The following FBN2 variants were observed in gnomAD, a reference collection of about 807,000 sequenced individuals.
FBN2 encodes the protein fibrillin-2.
Under a neutral mutation model 355.6 loss-of-function variants are expected in FBN2, and 105 were observed. The observed-to-expected ratio is 0.30, with a 90% CI of 0.25 to 0.35. The LOEUF (loss-of-function observed/expected upper bound fraction) is 0.35. Ranked by LOEUF, FBN2 falls within the 10% of genes least tolerant of loss-of-function variation. The probability of loss-of-function intolerance (pLI) is 1.00; values close to 1 mark genes in which losing one functional copy is unlikely to be tolerated. For missense variants in FBN2, 3,280 were observed against 3,758.7 expected, an observed-to-expected ratio of 0.87 and a Z score of 3.33; for synonymous variants, 1,350 against 1,301.2, an observed-to-expected ratio of 1.04 and a Z score of -0.81.
chr5:128,429,864 A>C (rs747307480), intron 7 of FBN2, among the ~76,000 whole-genome samples: 4 of 152,174 alleles, frequency 2.6e-5, no homozygotes, highest in African/African-American at 7.2e-5. Context: ...CCTACAATTA[A>C]ATTTTTACAG....
At chr5:128,449,457 A>T (rs561980587) in intron 6 of FBN2, among the ~76,000 whole-genome samples, 1 of 130,472 alleles carries the variant, frequency 7.7e-6, no homozygotes, top group African/African-American at 3.2e-5. Context: ...AGTATACTAT[A>T]TAATAGTATA....
chr5:128,423,311 G>A (rs897262385), intron 7 of FBN2, among the ~76,000 whole-genome samples: 4 of 152,140 alleles, frequency 2.6e-5, no homozygotes, highest in Non-Finnish European at 5.9e-5. Flanking sequence ...AAGAAAAGAG[G>A]TTTAGTGAAC....
chr5:128,516,965 A>C (rs963041357), intron 5 of FBN2, among the ~76,000 whole-genome samples: 91 of 152,326 alleles, frequency 6.0e-4, no homozygotes, highest in African/African-American at 2.1e-3. Context: ...AAAGAAATGA[A>C]GCTTTAGAAC....
intron 56 of FBN2, 105 bp from the exon 57 acceptor site, chr5:128,278,946 T>A: frequency 1.1e-6 from 1 of 872,518 alleles, no homozygotes; most frequent in Non-Finnish European, 1.8e-6. Flanking sequence ...TAGGAATAAT[T>A]AAGACAGCTT....
At chr5:128,478,083 A>G (rs1248161012) in intron 5 of FBN2, among the ~76,000 whole-genome samples, 1 of 152,190 alleles carries the variant, frequency 6.6e-6, no homozygotes, top group Non-Finnish European at 1.5e-5. Context: ...CTCTTTCAGT[A>G]GGTACTCCAC....
At chr5:128,460,228 T>C (rs1377961038) in intron 6 of FBN2, among the ~76,000 whole-genome samples, 1 of 151,534 alleles carries the variant, frequency 6.6e-6, no homozygotes, top group Non-Finnish European at 1.5e-5. Flanking sequence ...AAACAGAGAG[T>C]CAAATCGTGA....
chr5:128,269,185 C>T (rs888403547), intron 62 of FBN2, among the ~76,000 whole-genome samples: 3 of 151,382 alleles, frequency 2.0e-5, no homozygotes, highest in East Asian at 3.9e-4. Flanking sequence ...GAGGCCAAGG[C>T]GGGTGGATCA....
chr5:128,463,959 G>T (rs1177377936), intron 6 of FBN2, among the ~76,000 whole-genome samples: 1 of 152,162 alleles, frequency 6.6e-6, no homozygotes, highest in African/African-American at 2.4e-5. Flanking sequence ...TGCCATTTAA[G>T]AAGTCATTAG....
chr5:128,411,785 G>A (rs771995678), intron 7 of FBN2, among the ~76,000 whole-genome samples: 9 of 152,242 alleles, frequency 5.9e-5, no homozygotes, highest in African/African-American at 1.9e-4. Context: ...CCCCCACCCC[G>A]TCTTCGACCT....
At chr5:128,304,082 C>A (rs765358754) in intron 45 of FBN2, among the ~76,000 whole-genome samples, 5 of 152,134 alleles carry the variant, frequency 3.3e-5, no homozygotes, top group Non-Finnish European at 7.4e-5. Flanking sequence ...GGAAACCAGT[C>A]CTGCAGTACT....
At chr5:128,281,724 C>T (rs897139539) in intron 55 of FBN2, among the ~76,000 whole-genome samples, 11 of 152,126 alleles carry the variant, frequency 7.2e-5, no homozygotes, top group South Asian at 2.1e-4. Flanking sequence ...CTCGCTCTGT[C>T]GACCAGGCAG....
At chr5:128,428,719 T>C (rs1404816794) in intron 7 of FBN2, among the ~76,000 whole-genome samples, 6 of 152,238 alleles carry the variant, frequency 3.9e-5, no homozygotes, top group Admixed American at 6.5e-5. Flanking sequence ...ATGTAGACTT[T>C]ATGAAAGCAA....
At chr5:128,394,553 A>C (rs937745983) in intron 9 of FBN2, among the ~76,000 whole-genome samples, 4 of 152,236 alleles carry the variant, frequency 2.6e-5, no homozygotes, top group African/African-American at 9.6e-5. Flanking sequence ...ATGAAAGATC[A>C]GGAGGTTTAA....
chr5:128,453,551 G>A (rs532761677), intron 6 of FBN2, among the ~76,000 whole-genome samples: 28 of 152,256 alleles, frequency 1.8e-4, no homozygotes, highest in African/African-American at 6.7e-4. Flanking sequence ...TGAGATAAGA[G>A]AGAAGTATAT....
At chr5:128,301,237 A>C in intron 47 of FBN2, 145 bp downstream of exon 47, 1 of 831,138 alleles carries the variant, frequency 1.2e-6, no homozygotes. Context: ...CCTTATACTA[A>C]AATTTTCCAT....
chr5:128,299,350 G>A (rs1297938444), intron 48 of FBN2, among the ~76,000 whole-genome samples: 1 of 151,236 alleles, frequency 6.6e-6, no homozygotes, highest in African/African-American at 2.4e-5. Context: ...TTGAGCTGTG[G>A]TGGGCTCCAA....
intron 9 of FBN2, among the ~76,000 whole-genome samples, chr5:128,393,854 G>A (rs1335144512): frequency 2.0e-5 from 3 of 151,866 alleles, no homozygotes; most frequent in East Asian, 1.9e-4. Context: ...GGATTTTAAC[G>A]GTAGACAATA....
At chr5:128,513,502 A>G (rs2127154860) in intron 5 of FBN2, among the ~76,000 whole-genome samples, 1 of 152,386 alleles carries the variant, frequency 6.6e-6, no homozygotes, top group Non-Finnish European at 1.5e-5. Flanking sequence ...GCCTGTAGGT[A>G]GATAAACCAA....
chr5:128,287,207 G>T (rs1294598813), intron 54 of FBN2, 101 bp downstream of exon 54: 2 of 1,339,438 alleles, frequency 1.5e-6, no homozygotes, highest in Non-Finnish European at 2.1e-6. Flanking sequence ...ATATATTTCT[G>T]TAAAGCTCTA....
Sources: gnomAD v4.1 joint callset for allele counts (sites outside exome capture counted in the v4.1 genomes callset) on GRCh38, gnomAD v4.1.1 for gene constraint, MANE v1.5 for transcripts, NCBI Gene and HGNC (gene_info 2026-07-23, HGNC 2026-07-21) for gene names.